Variants in ASH1L observed in about 807,000 individuals in gnomAD.
ASH1L encodes histone-lysine N-methyltransferase ASH1L.
A neutral mutation model predicts 269.0 loss-of-function variants in ASH1L; 23 were observed. That is an observed-to-expected ratio of 0.09 (90% confidence interval 0.06 to 0.12). The LOEUF is 0.12. Ranked by LOEUF, ASH1L falls within the 10% of genes least tolerant of loss-of-function variation. The pLI, the probability that ASH1L is intolerant of heterozygous loss-of-function variation, is 1.00. For missense variants in ASH1L, 2,912 were observed against 3,567.8 expected, an observed-to-expected ratio of 0.82 and a Z score of 4.68; for synonymous variants, 1,187 against 1,253.5, an observed-to-expected ratio of 0.95 and a Z score of 1.12.
chr1:155,492,733 A>G lies in ASH1L; in HGVS notation c.421-10284T>C, dbSNP rs950619. On this transcript the variant is annotated intron_variant, in intron 2 of 27. Transcript: ENST00000392403. ...TTCATAATAACGTTTGAATATTTGA[A>G]AACAAGTAGGTTTTTTTTTTTTCTT... Among the ~76,000 whole-genome samples the G allele has an allele frequency of 7.1e-3, 1,084 of 151,906 alleles. 11 individuals are homozygous for G. The highest frequency in any genetic ancestry group is 0.025 in the African/African-American group (1,032 of 41,422).
intron 4 of ASH1L, among the ~76,000 whole-genome samples, chr1:155,447,355 AATTT>A (rs781188893): frequency 2.2e-4 from 33 of 151,946 alleles, no homozygotes; most frequent in Non-Finnish European, 4.1e-4. Context: ...AAAAAATATT[AATTT>A]ATTAATTGAT....
At chr1:155,523,524 A>G (rs937599106) in intron 1 of ASH1L, among the ~76,000 whole-genome samples, 5 of 152,172 alleles carry the variant, frequency 3.3e-5, no homozygotes, top group African/African-American at 1.2e-4. Flanking sequence ...TGACTTCTAC[A>G]AGGAATGTAA....
At chr1:155,547,300 C>T (rs1048710949) in intron 1 of ASH1L, among the ~76,000 whole-genome samples, 6 of 151,792 alleles carry the variant, frequency 4.0e-5, no homozygotes, top group African/African-American at 1.5e-4. Context: ...AAGTTAAAAT[C>T]CTCTGAAGAC....
chr1:155,540,637 C>T (rs1361246258), intron 1 of ASH1L, among the ~76,000 whole-genome samples: 3 of 152,114 alleles, frequency 2.0e-5, no homozygotes, highest in Non-Finnish European at 4.4e-5. Flanking sequence ...GATATGGTGG[C>T]TCATGCCCAT....
At chr1:155,547,543 T>A (rs939616136) in intron 1 of ASH1L, among the ~76,000 whole-genome samples, 1 of 151,696 alleles carries the variant, frequency 6.6e-6, no homozygotes, top group South Asian at 2.1e-4. Flanking sequence ...GGCCAACATG[T>A]AGAAACCTTA....
In ASH1L at chr1:155,419,904, G is replaced by GA. The variant is rs527669144; in HGVS notation, c.5829-3982dup. ...AAACACCCAAAGACTCTACAAAAGA[G>GA]AAAGTACTACAATTAGTGAAATACA... On this transcript the variant is annotated intron_variant, in intron 5 of 27. Coordinates refer to ENST00000392403, the MANE Select transcript of ASH1L (RefSeq NM_018489.3). Among the ~76,000 whole-genome samples the GA allele has an allele frequency of 5.6e-4, 86 of 152,288 alleles. 1 individual carries two copies. In the East Asian group the frequency reaches 8.5e-3, roughly 15 times the overall value.
chr1:155,362,328 T>C (rs1047831907), intron 12 of ASH1L, among the ~76,000 whole-genome samples: 5 of 151,800 alleles, frequency 3.3e-5, no homozygotes, highest in Non-Finnish European at 5.9e-5. Context: ...GCCACCGTGC[T>C]TGACTTTGTT....
At chr1:155,460,533 G>C (rs2148674417) in intron 3 of ASH1L, among the ~76,000 whole-genome samples, 1 of 152,202 alleles carries the variant, frequency 6.6e-6, no homozygotes, top group African/African-American at 2.4e-5. Flanking sequence ...GCTTGAACCT[G>C]GGAGGCAGAG....
In ASH1L at chr1:155,339,310, TCC is replaced by T. The variant is rs754309681; in HGVS notation, c.8501+16_8501+17del. The T allele has an allele frequency of 4.3e-6, 7 of 1,611,378 alleles. No homozygotes were observed. The African/African-American group carries it at 9.4e-5, about 22-fold the overall frequency. On this transcript the variant is annotated intron_variant, in intron 26 of 27. Coordinates refer to ENST00000392403, the MANE Select transcript of ASH1L (RefSeq NM_018489.3). Reference sequence around the variant, plus strand: ...TAGTCAATCCCTTAGGATCCTCATATCCCCCCATGGGACTTACCGTCCTCCAT... The same window carrying T: ...TAGTCAATCCCTTAGGATCCTCATATCCCCATGGGACTTACCGTCCTCCAT...
At chr1:155,404,222 G>A (rs1332125766) in intron 6 of ASH1L, among the ~76,000 whole-genome samples, 1 of 151,966 alleles carries the variant, frequency 6.6e-6, no homozygotes, top group Admixed American at 6.6e-5. Flanking sequence ...CAGTGTGGTG[G>A]CATGTACCTG....
chr1:155,361,514 C>T (rs1325708833), intron 12 of ASH1L, among the ~76,000 whole-genome samples: 2 of 66,302 alleles, frequency 3.0e-5, no homozygotes, highest in African/African-American at 1.4e-4. Flanking sequence ...GAGACTCCAT[C>T]TCACAAAAAA....
chr1:155,380,188 C>A (rs1032742233), intron 7 of ASH1L, 72 bp from the exon 8 acceptor site: 2 of 1,093,110 alleles, frequency 1.8e-6, no homozygotes, highest in African/African-American at 3.1e-5. Flanking sequence ...CAAACAGCTA[C>A]AAGAACTAAC....
chr1:155,547,530 C>A (rs928165746), intron 1 of ASH1L, among the ~76,000 whole-genome samples: 1 of 151,906 alleles, frequency 6.6e-6, no homozygotes, highest in Non-Finnish European at 1.5e-5. Flanking sequence ...TTGAGACCAG[C>A]CTGGCCAACA....
intron 3 of ASH1L, among the ~76,000 whole-genome samples, chr1:155,474,077 G>A (rs1168820528): frequency 2.0e-5 from 3 of 152,086 alleles, no homozygotes; most frequent in Non-Finnish European, 4.4e-5. Flanking sequence ...CAGGTGATCT[G>A]CCTGCCTTGG....
At position 155,426,243 on chromosome 1, in the gene ASH1L, G is replaced by A. The variant is rs557296881; in HGVS notation, c.5829-10320C>T. On this transcript the variant is annotated intron_variant, in intron 5 of 27. Transcript: ENST00000392403. ...TCATGCCCGGCTAATTTTTTTTTTTGTATTTTAGTAGAGATGGGGTTTCAC... is the reference window on the plus strand; with the variant it reads ...TCATGCCCGGCTAATTTTTTTTTTTATATTTTAGTAGAGATGGGGTTTCAC... Among the ~76,000 whole-genome samples the A allele has an allele frequency of 1.5e-3, 220 of 149,730 alleles. 1 individual carries two copies. The highest frequency in any genetic ancestry group is 5.2e-3 in the African/African-American group (213 of 40,822).
At chr1:155,431,875 A>T (rs1031676527) in intron 5 of ASH1L, among the ~76,000 whole-genome samples, 2 of 152,200 alleles carry the variant, frequency 1.3e-5, no homozygotes, top group African/African-American at 4.8e-5. Context: ...TCAGCCTGAC[A>T]AACTGCTGGG....
At chr1:155,387,072 C>T (rs1657499890) in intron 7 of ASH1L, among the ~76,000 whole-genome samples, 1 of 151,668 alleles carries the variant, frequency 6.6e-6, no homozygotes, top group Non-Finnish European at 1.5e-5. Flanking sequence ...CTCCAGGGTT[C>T]AAGTGATTCT....
chr1:155,476,786 C>T (rs2148715332), intron 3 of ASH1L, among the ~76,000 whole-genome samples: 1 of 152,064 alleles, frequency 6.6e-6, no homozygotes, highest in Non-Finnish European at 1.5e-5. Flanking sequence ...ATCTCTTGAC[C>T]TCATGATCCG....
chr1:155,539,429 A>G (rs1001080511), intron 1 of ASH1L, among the ~76,000 whole-genome samples: 1 of 134,536 alleles, frequency 7.4e-6, no homozygotes. Flanking sequence ...ACATCCAGAA[A>G]GGTGTTTTAT....
Sources: allele counts gnomAD v4.1 joint callset (sites outside exome capture counted in the v4.1 genomes callset), GRCh38; gene constraint gnomAD v4.1.1; transcripts MANE v1.5; gene names NCBI Gene and HGNC (gene_info 2026-07-23, HGNC 2026-07-21).